WIPF3: variants seen among roughly 807,000 people sequenced by gnomAD.
The protein encoded by WIPF3 is WAS/WASL-interacting protein family member 3.
A neutral mutation model predicts 38.9 loss-of-function variants in WIPF3; 33 were observed. That is an observed-to-expected ratio of 0.85 (90% CI 0.64 to 1.14). WIPF3 has a LOEUF of 1.14. Ranked by LOEUF, WIPF3 falls within the 50% of genes most tolerant of loss-of-function variation. The pLI, the probability that WIPF3 is intolerant of heterozygous loss-of-function variation, is 0.00. For synonymous variants in WIPF3, 324 were observed against 269.3 expected, an observed-to-expected ratio of 1.20 and a Z score of -1.99; for missense variants, 711 against 652.5, an observed-to-expected ratio of 1.09 and a Z score of -0.98.
At chr7:29,869,487 A>T (rs1785457424) in intron 2 of WIPF3, among the ~76,000 whole-genome samples, 2 of 152,248 alleles carry the variant, frequency 1.3e-5, no homozygotes, top group Admixed American at 1.3e-4. Flanking sequence ...TACTTTTACC[A>T]GTTAAAGTAA....
chr7:29,837,964 G>A (rs1583597459), intron 2 of WIPF3, among the ~76,000 whole-genome samples: 1 of 152,200 alleles, frequency 6.6e-6, no homozygotes, highest in East Asian at 1.9e-4. Flanking sequence ...TTTCGCCCAG[G>A]CTAGAGTGCA....
At chr7:29,883,791 C>T in intron 4 of WIPF3, 59 bp from the exon 5 acceptor site, 1 of 1,504,742 alleles carries the variant, frequency 6.6e-7, no homozygotes, top group South Asian at 1.4e-5. Context: ...TGCCGCCTAC[C>T]TGCGGGGGCT....
intron 1 of WIPF3, among the ~76,000 whole-genome samples, chr7:29,828,465 G>A (rs552252881): frequency 2.0e-5 from 3 of 152,256 alleles, no homozygotes; most frequent in Admixed American, 1.3e-4. Flanking sequence ...GGTCCTGTGC[G>A]ACCTGCAGAC....
chr7:29,879,066 C>T lies in WIPF3; in HGVS notation c.281C>T (p.Thr94Ile), dbSNP rs1243655509. 6.2e-7 allele frequency: 1 copy of T among 1,610,226 alleles called. No individual in the cohort carries two copies. Among genetic ancestry groups the T allele is most frequent in the Non-Finnish European group, 8.5e-7 (1 of 1,178,122 alleles). Residue 94 changes from threonine to isoleucine, a missense_variant, in exon 4 of 9, where the codon ACA becomes ATA. By Grantham distance (89) the Thr-to-Ile change is moderately conservative. Coordinates refer to ENST00000242140, the MANE Select transcript of WIPF3 (RefSeq NM_001080529.3). ...TCTGCAAACACACGAGGCGCGAGCA[C>T]ACCTCCCACCCTGGGAGATCTGTTT... ...GGSANTRGAS[T>I]PPTLGDLFAG...
At chr7:29,893,036 G>C (rs1367106577) in intron 7 of WIPF3, among the ~76,000 whole-genome samples, 1 of 152,096 alleles carries the variant, frequency 6.6e-6, no homozygotes, top group Non-Finnish European at 1.5e-5. Context: ...TTGCAATCCA[G>C]CCTGGGTGAC....
intron 7 of WIPF3, among the ~76,000 whole-genome samples, chr7:29,891,618 A>T (rs941268603): frequency 6.6e-6 from 1 of 152,174 alleles, no homozygotes; most frequent in African/African-American, 2.4e-5. Flanking sequence ...TGCTGTGTCC[A>T]TCTCCCATCC....
intron 2 of WIPF3, among the ~76,000 whole-genome samples, chr7:29,856,454 C>G (rs117183823): frequency 0.018 from 2,667 of 152,202 alleles, 47 homozygotes; most frequent in Non-Finnish European, 0.026. Flanking sequence ...AAAATGAGAT[C>G]TCATCTCTAC....
intron 2 of WIPF3, among the ~76,000 whole-genome samples, chr7:29,856,991 C>T (rs1013854857): frequency 6.6e-5 from 10 of 152,244 alleles, no homozygotes; most frequent in East Asian, 3.9e-4. Flanking sequence ...TTGTCTCTGC[C>T]GTCAGGTAAG....
chr7:29,835,604 G>A (rs575468552), intron 2 of WIPF3, among the ~76,000 whole-genome samples: 2 of 152,110 alleles, frequency 1.3e-5, no homozygotes, highest in Non-Finnish European at 1.5e-5. Context: ...AATCACCACC[G>A]CACACACGGT....
chr7:29,833,978 A>T (rs1784760482), intron 1 of WIPF3, among the ~76,000 whole-genome samples: 1 of 152,198 alleles, frequency 6.6e-6, no homozygotes, highest in Non-Finnish European at 1.5e-5. Context: ...CTATAATATT[A>T]ACTATTTGAA....
At chr7:29,912,836 T>C (rs1454718742) in intron 8 of WIPF3, among the ~76,000 whole-genome samples, 2 of 152,176 alleles carry the variant, frequency 1.3e-5, no homozygotes, top group Admixed American at 1.3e-4. Context: ...ACAGACACCA[T>C]ATATGCCTCC....
intron 1 of WIPF3, among the ~76,000 whole-genome samples, chr7:29,832,572 T>A (rs1323939123): frequency 7.9e-5 from 12 of 152,220 alleles, no homozygotes; most frequent in African/African-American, 2.9e-4. Context: ...TATCAAGGAA[T>A]GAGGCAGTAA....
At chr7:29,888,002 A>G (rs781121838) in intron 5 of WIPF3, 66 bp from the exon 6 acceptor site, 25 of 1,593,646 alleles carry the variant, frequency 1.6e-5, no homozygotes, top group Non-Finnish European at 2.0e-5. Flanking sequence ...CTAATATCTC[A>G]CATAAGGTTA....
At chr7:29,819,031 A>G (rs6956522) in intron 1 of WIPF3, among the ~76,000 whole-genome samples, 22,821 of 152,110 alleles carry the variant, frequency 0.15, 1,847 homozygotes, top group African/African-American at 0.18. Flanking sequence ...TTCTTCCTCC[A>G]TATTCATAAA....
intron 1 of WIPF3, among the ~76,000 whole-genome samples, chr7:29,816,737 C>T (rs991109822): frequency 1.3e-5 from 2 of 152,120 alleles, no homozygotes; most frequent in African/African-American, 4.8e-5. Context: ...TGACAGCTAC[C>T]TAGTGTGTCA....
chr7:29,891,434 G>T (rs1425317736), intron 7 of WIPF3, among the ~76,000 whole-genome samples: 1 of 152,226 alleles, frequency 6.6e-6, no homozygotes, highest in Non-Finnish European at 1.5e-5. Flanking sequence ...CTGCTGGCCT[G>T]CGTGGCTGTA....
chr7:29,905,301 A>G (rs1004038211), intron 8 of WIPF3: 1 of 152,236 alleles, frequency 6.6e-6, no homozygotes, highest in Non-Finnish European at 1.5e-5. Context: ...AGGAAGAAGT[A>G]TATATACACA....
chr7:29,810,124 G>A (rs1784348045), intron 1 of WIPF3, among the ~76,000 whole-genome samples: 1 of 152,172 alleles, frequency 6.6e-6, no homozygotes, highest in South Asian at 2.1e-4. Flanking sequence ...AGCCCTGCCC[G>A]GGGCTAGGCT....
At chr7:29,893,020 G>A (rs917317819) in intron 7 of WIPF3, among the ~76,000 whole-genome samples, 13 of 152,080 alleles carry the variant, frequency 8.5e-5, no homozygotes, top group Non-Finnish European at 1.6e-4. Context: ...AGCTGAGATC[G>A]TGCCATTGCA....
Sources: gnomAD v4.1 joint callset for allele counts (sites outside exome capture counted in the v4.1 genomes callset) on GRCh38, gnomAD v4.1.1 for gene constraint, MANE v1.5 for transcripts, NCBI Gene and HGNC (gene_info 2026-07-23, HGNC 2026-07-21) for gene names.